Variants in SLC4A4 observed in about 807,000 individuals in gnomAD.
The protein encoded by SLC4A4 is electrogenic sodium bicarbonate cotransporter 1.
SLC4A4 carries 27 observed loss-of-function variants against 111.5 expected under a neutral mutation model. The observed-to-expected ratio is 0.24, with a 90% CI of 0.18 to 0.33. The LOEUF is 0.33. Ranked by LOEUF, SLC4A4 falls within the 10% of genes least tolerant of loss-of-function variation. SLC4A4 has a pLI of 1.00. For missense variants in SLC4A4, 909 were observed against 1,315.5 expected (o/e 0.69, Z 4.78); for synonymous variants, 443 against 463.4 (o/e 0.96, Z 0.57).
intron 7 of SLC4A4, chr4:71,437,207 G>T: frequency 5.1e-6 from 2 of 391,812 alleles, no homozygotes; most frequent in Non-Finnish European, 9.9e-6. Flanking sequence ...TCCCTATGCT[G>T]TCCAAGAATC....
chr4:71,385,638 G>C (rs1308269225), intron 6 of SLC4A4, among the ~76,000 whole-genome samples: 8 of 152,110 alleles, frequency 5.3e-5, no homozygotes, highest in Admixed American at 1.3e-4. Context: ...GTAATGAACT[G>C]TAAGTACATT....
At chr4:71,317,807 G>A (rs1726810025) in intron 3 of SLC4A4, among the ~76,000 whole-genome samples, 1 of 151,974 alleles carries the variant, frequency 6.6e-6, no homozygotes. Context: ...CCCACTACTA[G>A]ATATGTGATC....
intron 1 of SLC4A4, among the ~76,000 whole-genome samples, chr4:71,223,772 G>C (rs1472264254): frequency 6.6e-6 from 1 of 151,972 alleles, no homozygotes; most frequent in African/African-American, 2.4e-5. Context: ...GGTCCTCACA[G>C]CCCTGTTCCG....
chr4:71,469,994 A>G (rs1727717892), intron 13 of SLC4A4, among the ~76,000 whole-genome samples: 1 of 152,056 alleles, frequency 6.6e-6, no homozygotes, highest in African/African-American at 2.4e-5. Flanking sequence ...AACTACTAGC[A>G]TTCTTAGAAC....
chr4:71,485,742 T>C (rs1005688070), intron 14 of SLC4A4, among the ~76,000 whole-genome samples: 13 of 95,316 alleles, frequency 1.4e-4, no homozygotes, highest in African/African-American at 3.5e-4. Context: ...TAGTTGTTTT[T>C]CTTGTTTTTT....
In SLC4A4 at chr4:71,568,108, A is replaced by C. The variant is rs1737664901; in HGVS notation, c.*357A>C. 1 of 442,350 alleles carries C rather than the reference A, an allele frequency of 2.3e-6. No homozygotes were observed. The highest frequency in any genetic ancestry group is 4.0e-6 in the Non-Finnish European group (1 of 249,688). The allele number at this position is 442,350 out of a possible 1,614,324, so 27.4% of individuals were successfully genotyped here. ...CTGAGGAATCCCCCTTTTGTTCTTA[A>C]ACTTTCAGATGTGTCCTTTGATAAC... On this transcript the variant is annotated 3_prime_UTR_variant, in exon 26 of 26. Transcript: ENST00000264485.
intron 15 of SLC4A4, among the ~76,000 whole-genome samples, chr4:71,493,252 A>G (rs894332818): frequency 1.3e-5 from 2 of 152,044 alleles, no homozygotes; most frequent in Non-Finnish European, 2.9e-5. Context: ...TACATATGAA[A>G]CACTTATACT....
At position 71,525,211 on chromosome 4, in the gene SLC4A4, C is replaced by A. The variant is rs552489530; in HGVS notation, c.2167-6851C>A. 3.9e-5 allele frequency among the ~76,000 whole-genome samples: 6 copies of A among 152,208 alleles called. No homozygotes were observed. The South Asian group carries it at 1.2e-3, about 32-fold the overall frequency. ...TGTTTATTTGAATTTCCTTTTCCAT[C>A]CACTTAATTTCTTCTTTGCTTTGGT... On this transcript the variant is annotated intron_variant, in intron 16 of 25. Transcript: ENST00000264485.
chr4:71,114,451 A>G (rs1344608183), intron 2 of SLC4A4, among the ~76,000 whole-genome samples: 2 of 150,160 alleles, frequency 1.3e-5, no homozygotes, highest in Non-Finnish European at 3.0e-5. Context: ...CAAAGGGCTA[A>G]TATCCAGAAT....
intron 1 of SLC4A4, among the ~76,000 whole-genome samples, chr4:71,214,120 G>A (rs1473423838): frequency 2.6e-5 from 4 of 152,132 alleles, no homozygotes; most frequent in Non-Finnish European, 4.4e-5. Context: ...TTTGTGTGGA[G>A]AACTGAACTG....
At chr4:71,100,447 T>A (rs572295204) in intron 2 of SLC4A4, among the ~76,000 whole-genome samples, 103 of 151,996 alleles carry the variant, frequency 6.8e-4, no homozygotes, top group Non-Finnish European at 2.4e-4. Flanking sequence ...GGAAACTACC[T>A]AAAAATAATA....
chr4:71,142,375 CTAAAG>C (rs1412175947), intron 2 of SLC4A4, among the ~76,000 whole-genome samples: 1 of 152,190 alleles, frequency 6.6e-6, no homozygotes, highest in African/African-American at 2.4e-5. Flanking sequence ...TGGGCGTTGG[CTAAAG>C]TAATCTTTCT....
At chr4:71,423,412 C>A (rs922989198) in intron 7 of SLC4A4, among the ~76,000 whole-genome samples, 2 of 152,140 alleles carry the variant, frequency 1.3e-5, no homozygotes, top group Admixed American at 1.3e-4. Flanking sequence ...GGCCATACTG[C>A]CCAAGGTCAT....
chr4:71,548,078 C>A (rs1735686189), intron 20 of SLC4A4, among the ~76,000 whole-genome samples: 1 of 151,876 alleles, frequency 6.6e-6, no homozygotes, highest in Non-Finnish European at 1.5e-5. Context: ...TACATTCTTT[C>A]TTCTATCACC....
At chr4:71,434,282 A>T (rs1370013363) in intron 7 of SLC4A4, 1 of 152,140 alleles carries the variant, frequency 6.6e-6, no homozygotes, top group Non-Finnish European at 1.5e-5. Flanking sequence ...TTTTACAGCT[A>T]CTTTTGAAAT....
intron 2 of SLC4A4, among the ~76,000 whole-genome samples, chr4:71,117,249 G>T (rs1178786401): frequency 6.6e-6 from 1 of 152,080 alleles, no homozygotes; most frequent in Non-Finnish European, 1.5e-5. Flanking sequence ...CTAAAGTGCT[G>T]GGATGATAGG....
intron 2 of SLC4A4, among the ~76,000 whole-genome samples, chr4:71,113,003 C>T (rs1743136386): frequency 6.6e-6 from 1 of 152,058 alleles, no homozygotes; most frequent in Non-Finnish European, 1.5e-5. Context: ...GCAGTTTGAT[C>T]TTGAAGAGTA....
chr4:71,536,492 A>ATATATATATATATT (rs1246136965), intron 18 of SLC4A4, among the ~76,000 whole-genome samples: 4 of 126,618 alleles, frequency 3.2e-5, no homozygotes, highest in Admixed American at 8.2e-5. Flanking sequence ...ATATATGTAT[A>ATATATATATATATT]TATTTATTTA....
At chr4:71,105,435 T>A (rs534170566) in intron 2 of SLC4A4, among the ~76,000 whole-genome samples, 7 of 151,312 alleles carry the variant, frequency 4.6e-5, no homozygotes, top group African/African-American at 9.8e-5. Context: ...AAAGTTCATA[T>A]GGAACCAAAA....
Sources: gnomAD v4.1 joint callset for allele counts (sites outside exome capture counted in the v4.1 genomes callset) on GRCh38, gnomAD v4.1.1 for gene constraint, MANE v1.5 for transcripts, NCBI Gene and HGNC (gene_info 2026-07-23, HGNC 2026-07-21) for gene names.